LUZP2: variants seen among roughly 807,000 people sequenced by gnomAD.
LUZP2 encodes leucine zipper protein 2.
LUZP2 carries 52 observed loss-of-function variants against 51.6 expected under a neutral mutation model. The ratio of observed to expected loss-of-function variants is 1.01; its 90% CI spans 0.81 to 1.27. LUZP2 has a LOEUF of 1.27. Ranked by LOEUF, LUZP2 falls within the 50% of genes most tolerant of loss-of-function variation. LUZP2 has a pLI of 0.00. For synonymous variants in LUZP2, 154 were observed against 137.3 expected (o/e 1.12, Z -0.85); for missense variants, 436 against 395.4 (o/e 1.10, Z -0.87).
intron 2 of LUZP2, among the ~76,000 whole-genome samples, chr11:24,731,603 A>G (rs1021843606): frequency 6.6e-6 from 1 of 151,726 alleles, no homozygotes; most frequent in Middle Eastern, 3.2e-3. Context: ...ACCAGTTACA[A>G]TTTTACATGG....
intron 1 of LUZP2, among the ~76,000 whole-genome samples, chr11:24,642,809 GA>G (rs1414342031): frequency 5.3e-5 from 8 of 152,094 alleles, no homozygotes; most frequent in Non-Finnish European, 1.0e-4. Flanking sequence ...TTATTGAATG[GA>G]AAATTACTAA....
At chr11:24,924,312 A>G (rs560094467) in intron 7 of LUZP2, among the ~76,000 whole-genome samples, 3 of 152,224 alleles carry the variant, frequency 2.0e-5, no homozygotes, top group East Asian at 3.9e-4. Flanking sequence ...TCCTGACCTC[A>G]GGTGATCTGC....
intron 5 of LUZP2, among the ~76,000 whole-genome samples, chr11:24,883,000 GAAAAGAAAAGAGAAA>G (rs1482046197): frequency 2.0e-5 from 3 of 150,526 alleles, no homozygotes; most frequent in South Asian, 2.1e-4. Context: ...GGAAAGAAAA[GAAAAGAAAAGAGAAA>G]AAAAGAAAAG....
intron 1 of LUZP2, among the ~76,000 whole-genome samples, chr11:24,517,278 G>T (rs1253482197): frequency 2.6e-5 from 4 of 151,806 alleles, no homozygotes; most frequent in East Asian, 3.9e-4. Context: ...GAGGTCAGGA[G>T]ATCGAGACCA....
chr11:24,674,278 C>T (rs965016308), intron 1 of LUZP2, among the ~76,000 whole-genome samples: 2 of 152,264 alleles, frequency 1.3e-5, no homozygotes, highest in African/African-American at 2.4e-5. Flanking sequence ...TTTCCCTTTG[C>T]CACTTTCAGG....
chr11:24,820,759 C>G (rs758417446), intron 5 of LUZP2, among the ~76,000 whole-genome samples: 6 of 152,038 alleles, frequency 3.9e-5, no homozygotes, highest in African/African-American at 1.4e-4. Flanking sequence ...TGTCACAATC[C>G]AAGACCATAG....
chr11:24,639,805 G>A (rs1055754158), intron 1 of LUZP2, among the ~76,000 whole-genome samples: 6 of 151,706 alleles, frequency 4.0e-5, no homozygotes, highest in Non-Finnish European at 8.8e-5. Context: ...TTCCTCTACT[G>A]TAATATGTGG....
rs1857667374 is a variant in LUZP2, at chr11:25,031,013, ATATTTT to A, written c.766-19023_766-19018del. On this transcript the variant is annotated intron_variant, in intron 9 of 11. Coordinates refer to ENST00000336930, the MANE Select transcript of LUZP2 (RefSeq NM_001009909.4). ...ATATATATTATATATATATATATAT[ATATTTT>A]TTTTTTTTTTTGAGACAGAGTCTCA... Among the ~76,000 whole-genome samples, 6 of 4,310 alleles carry A rather than the reference ATATTTT, an allele frequency of 1.4e-3. No homozygotes were observed. The South Asian group carries it at 0.031, about 22-fold the overall frequency. The allele number at this position is 4,310 out of a possible 152,430, so 2.8% of individuals were successfully genotyped here.
intron 5 of LUZP2, among the ~76,000 whole-genome samples, chr11:24,775,322 G>T (rs1590502029): frequency 6.6e-6 from 1 of 151,990 alleles, no homozygotes; most frequent in African/African-American, 2.4e-5. Flanking sequence ...TTTTGATAGT[G>T]CATTGTGGTG....
intron 5 of LUZP2, among the ~76,000 whole-genome samples, chr11:24,902,466 G>A (rs1853310090): frequency 6.6e-6 from 1 of 152,002 alleles, no homozygotes; most frequent in East Asian, 1.9e-4. Flanking sequence ...AATCTTTTTT[G>A]GGGGAGTGGA....
intron 5 of LUZP2, chr11:24,893,266 T>A (rs1390354796): frequency 6.6e-6 from 1 of 152,054 alleles, no homozygotes; most frequent in Non-Finnish European, 1.5e-5. Context: ...TTTTCAGCAC[T>A]GGACACACAG....
chr11:24,566,354 G>A (rs553732879), intron 1 of LUZP2, among the ~76,000 whole-genome samples: 78 of 128,078 alleles, frequency 6.1e-4, no homozygotes, highest in African/African-American at 2.1e-3. Flanking sequence ...TTTTTGAGAC[G>A]TAGTCTCACT....
intron 1 of LUZP2, among the ~76,000 whole-genome samples, chr11:24,566,378 G>A (rs1852220141): frequency 7.0e-6 from 1 of 143,666 alleles, no homozygotes; most frequent in African/African-American, 2.6e-5. Flanking sequence ...TCGCCAGGCT[G>A]AAGTGCAGTG....
intron 1 of LUZP2, among the ~76,000 whole-genome samples, chr11:24,595,673 T>C (rs1244324443): frequency 6.6e-6 from 1 of 152,208 alleles, no homozygotes; most frequent in East Asian, 1.9e-4. Context: ...TAGCTATTTA[T>C]AAATAAATGA....
chr11:24,582,288 A>G (rs1206628716), intron 1 of LUZP2, among the ~76,000 whole-genome samples: 3 of 145,906 alleles, frequency 2.1e-5, no homozygotes, highest in Non-Finnish European at 1.5e-5. Context: ...GCTCTCTGTA[A>G]TCCCTAGCTG....
At chr11:24,860,466 C>T (rs570879878) in intron 5 of LUZP2, among the ~76,000 whole-genome samples, 1 of 152,126 alleles carries the variant, frequency 6.6e-6, no homozygotes, top group Non-Finnish European at 1.5e-5. Context: ...TAAATGGGTC[C>T]TGTTCCCTGT....
chr11:24,647,293 A>T (rs567589087), intron 1 of LUZP2, among the ~76,000 whole-genome samples: 1 of 151,970 alleles, frequency 6.6e-6, no homozygotes, highest in East Asian at 1.9e-4. Flanking sequence ...TGTTTTTTTT[A>T]AATTGGTACA....
chr11:24,604,700 A>G (rs1412432423), intron 1 of LUZP2, among the ~76,000 whole-genome samples: 1 of 151,786 alleles, frequency 6.6e-6, no homozygotes, highest in East Asian at 1.9e-4. Context: ...TCTTTTAGTT[A>G]TCTCAAAGTA....
chr11:24,785,647 G>C (rs1408304895), intron 5 of LUZP2, among the ~76,000 whole-genome samples: 1 of 151,888 alleles, frequency 6.6e-6, no homozygotes, highest in East Asian at 1.9e-4. Context: ...ATAATAACAT[G>C]TTATTATAAT....
Sources: allele counts gnomAD v4.1 joint callset (sites outside exome capture counted in the v4.1 genomes callset), GRCh38; gene constraint gnomAD v4.1.1; transcripts MANE v1.5; gene names NCBI Gene and HGNC (gene_info 2026-07-23, HGNC 2026-07-21).